Variants in RPS6KC1 observed in about 807,000 individuals in gnomAD.
RPS6KC1 encodes the protein ribosomal protein S6 kinase C1, also known as inactive ribosomal protein S6 kinase delta-1.
RPS6KC1 carries 54 observed loss-of-function variants against 103.8 expected under a neutral mutation model. That is an observed-to-expected ratio of 0.52 (90% CI 0.42 to 0.65). The LOEUF (loss-of-function observed/expected upper bound fraction) is 0.65. Ranked by LOEUF, RPS6KC1 falls within the 30% of genes least tolerant of loss-of-function variation. RPS6KC1 has a pLI of 0.00. For missense variants in RPS6KC1, 1,151 were observed against 1,253.8 expected (o/e 0.92, Z 1.24); for synonymous variants, 439 against 438.7 (o/e 1.00, Z -0.01).
At chr1:213,699,580 G>T in the RPS6KC1 span, among the ~76,000 whole-genome samples, 1 of 152,096 alleles carries the variant, frequency 6.6e-6, no homozygotes, top group Non-Finnish European at 1.5e-5. Flanking sequence ...ACCCAGCAGT[G>T]GGATTGCTGG....
the RPS6KC1 span, among the ~76,000 whole-genome samples, chr1:213,577,042 G>T: frequency 1.3e-5 from 2 of 152,282 alleles, no homozygotes; most frequent in African/African-American, 2.4e-5. Flanking sequence ...CCATTGATAT[G>T]GTTTGGCTGT....
the RPS6KC1 span, among the ~76,000 whole-genome samples, chr1:213,362,292 C>T: frequency 0.17 from 25,761 of 152,130 alleles, 2,335 homozygotes; most frequent in Middle Eastern, 0.26. Context: ...AGAAATTTTG[C>T]ACACTTTTTC....
intron 8 of RPS6KC1, among the ~76,000 whole-genome samples, chr1:213,216,956 A>G (rs1223099655): frequency 6.6e-6 from 1 of 151,914 alleles, no homozygotes; most frequent in Non-Finnish European, 1.5e-5. Flanking sequence ...ATCACAATTA[A>G]AAGAACTAGA....
the RPS6KC1 span, among the ~76,000 whole-genome samples, chr1:213,363,766 CTT>C: frequency 3.1e-3 from 83 of 26,388 alleles, 22 homozygotes; most frequent in Middle Eastern, 0.018. Flanking sequence ...TCTCTTCTTT[CTT>C]TCTTTCTTTC....
At chr1:213,473,959 T>C in the RPS6KC1 span, among the ~76,000 whole-genome samples, 5 of 152,276 alleles carry the variant, frequency 3.3e-5, no homozygotes, top group East Asian at 9.6e-4. Context: ...CTTAGACCTG[T>C]TGTCAGGTTT....
the RPS6KC1 span, among the ~76,000 whole-genome samples, chr1:213,758,182 T>G: frequency 5.0e-4 from 76 of 152,310 alleles, no homozygotes; most frequent in African/African-American, 1.8e-3. Flanking sequence ...AAACATTTTA[T>G]AAGGCTATAA....
the RPS6KC1 span, among the ~76,000 whole-genome samples, chr1:213,442,514 G>A: frequency 2.8e-4 from 42 of 152,294 alleles, no homozygotes; most frequent in African/African-American, 8.2e-4. Flanking sequence ...GATCTGTTAC[G>A]TGTCTTGGAC....
the RPS6KC1 span, among the ~76,000 whole-genome samples, chr1:213,437,004 G>A: frequency 2.0e-4 from 30 of 151,986 alleles, no homozygotes; most frequent in East Asian, 5.8e-4. Context: ...TTTTATTGCC[G>A]TATTACATTG....
chr1:213,827,863 C>T, the RPS6KC1 span, among the ~76,000 whole-genome samples: 15 of 152,182 alleles, frequency 9.9e-5, no homozygotes, highest in African/African-American at 2.4e-4. Flanking sequence ...TTTTTAACTT[C>T]GGCTAATAAT....
the RPS6KC1 span, among the ~76,000 whole-genome samples, chr1:213,602,206 C>T: frequency 9.2e-6 from 1 of 108,788 alleles, no homozygotes; most frequent in Non-Finnish European, 1.8e-5. Flanking sequence ...CCCTCCCTCC[C>T]TCCCTCCATT....
At chr1:213,498,440 A>C in the RPS6KC1 span, among the ~76,000 whole-genome samples, 1 of 151,578 alleles carries the variant, frequency 6.6e-6, no homozygotes, top group Non-Finnish European at 1.5e-5. Flanking sequence ...GAATAGAAGT[A>C]TGTTTTCTTT....
the RPS6KC1 span, among the ~76,000 whole-genome samples, chr1:213,695,576 G>C: frequency 6.6e-6 from 1 of 152,222 alleles, no homozygotes; most frequent in African/African-American, 2.4e-5. Flanking sequence ...GAAAAAAAGA[G>C]TTTTTAAAGA....
chr1:213,160,154 A>G (rs1244595045), intron 6 of RPS6KC1, among the ~76,000 whole-genome samples: 1 of 152,226 alleles, frequency 6.6e-6, no homozygotes, highest in Non-Finnish European at 1.5e-5. Flanking sequence ...GCCTTTTCTC[A>G]GAAGCATACT....
intron 7 of RPS6KC1, among the ~76,000 whole-genome samples, chr1:213,173,172 T>C (rs1188022379): frequency 6.6e-6 from 1 of 152,200 alleles, no homozygotes; most frequent in Non-Finnish European, 1.5e-5. Context: ...AAGAAAGGAG[T>C]AGATCTATAG....
intron 3 of RPS6KC1, among the ~76,000 whole-genome samples, chr1:213,089,171 G>A (rs1223721866): frequency 6.6e-6 from 1 of 152,150 alleles, no homozygotes; most frequent in African/African-American, 2.4e-5. Context: ...CAGGTCAATA[G>A]CAATAGAACC....
chr1:213,388,439 G>A, the RPS6KC1 span, among the ~76,000 whole-genome samples: 1 of 152,260 alleles, frequency 6.6e-6, no homozygotes, highest in Non-Finnish European at 1.5e-5. Flanking sequence ...CAGCCACTCA[G>A]GTGGGGGCCT....
the RPS6KC1 span, among the ~76,000 whole-genome samples, chr1:213,557,893 C>T: frequency 6.6e-6 from 1 of 152,104 alleles, no homozygotes; most frequent in Non-Finnish European, 1.5e-5. Context: ...AATTGTTTCT[C>T]AGTGGGTTGA....
At chr1:213,536,188 G>A in the RPS6KC1 span, among the ~76,000 whole-genome samples, 1 of 152,042 alleles carries the variant, frequency 6.6e-6, no homozygotes, top group Admixed American at 6.6e-5. Context: ...AAAGTGTTTC[G>A]GCCCTTCAGG....
the RPS6KC1 span, among the ~76,000 whole-genome samples, chr1:213,395,774 T>G: frequency 6.6e-6 from 1 of 152,186 alleles, no homozygotes; most frequent in African/African-American, 2.4e-5. Flanking sequence ...AAAAGACACT[T>G]GTTCACAGGG....
Sources: allele counts gnomAD v4.1 joint callset (sites outside exome capture counted in the v4.1 genomes callset), GRCh38; gene constraint gnomAD v4.1.1; transcripts MANE v1.5; gene names NCBI Gene and HGNC (gene_info 2026-07-23, HGNC 2026-07-21).